The following IL1RAPL1 variants were observed in gnomAD, a reference collection of about 807,000 sequenced individuals.
The protein encoded by IL1RAPL1 is interleukin 1 receptor accessory protein like 1, also known as interleukin-1 receptor accessory protein-like 1.
Under a neutral mutation model 48.4 loss-of-function variants are expected in IL1RAPL1, and 3 were observed. The observed-to-expected ratio is 0.06, with a 90% CI of 0.03 to 0.16. IL1RAPL1 has a LOEUF of 0.16. Among genes scored for constraint, IL1RAPL1 ranks in the 10% least tolerant of loss-of-function variants. The pLI, the probability that IL1RAPL1 is intolerant of heterozygous loss-of-function variation, is 1.00. For synonymous variants in IL1RAPL1, 185 were observed against 187.7 expected (o/e 0.99, Z 0.12); for missense variants, 349 against 530.6 (o/e 0.66, Z 3.36).
At chrX:29,366,553 ATTTTTTTTTTTTTTTT>A (rs34164964) in intron 3 of IL1RAPL1, among the ~76,000 whole-genome samples, 1 of 37,256 alleles carries the variant, frequency 2.7e-5, no homozygotes, top group Non-Finnish European at 4.3e-5. Context: ...TGATAGGTCA[ATTTTTTTTTTTTTTTT>A]TTTTTTTTTT....
chrX:29,513,420 G>T (rs6630887), intron 5 of IL1RAPL1, among the ~76,000 whole-genome samples: 48,288 of 110,012 alleles, frequency 0.44, 7,709 homozygotes, highest in East Asian at 0.7. Flanking sequence ...TGCTACAGCA[G>T]AATTTATTTA....
At chrX:28,833,793 G>A (rs1364097975) in intron 2 of IL1RAPL1, among the ~76,000 whole-genome samples, 2 of 111,663 alleles carry the variant, frequency 1.8e-5, no homozygotes, top group East Asian at 2.8e-4. Flanking sequence ...CCTTTTCCCC[G>A]ATATTTCATG....
intron 2 of IL1RAPL1, among the ~76,000 whole-genome samples, chrX:28,951,680 T>G (rs2147355684): frequency 9.0e-6 from 1 of 111,410 alleles, no homozygotes; most frequent in Non-Finnish European, 1.9e-5. Flanking sequence ...TTTTATCATT[T>G]ACAGCCCCAA....
At chrX:29,935,921 C>T (rs1044418088) in intron 8 of IL1RAPL1, among the ~76,000 whole-genome samples, 6 of 111,440 alleles carry the variant, frequency 5.4e-5, no homozygotes, top group South Asian at 3.8e-4. Flanking sequence ...CAGATTAAGC[C>T]GCTCCATTCA....
chrX:29,696,315 C>T (rs973225700), intron 6 of IL1RAPL1, among the ~76,000 whole-genome samples: 1 of 111,133 alleles, frequency 9.0e-6, no homozygotes, highest in Non-Finnish European at 1.9e-5. Flanking sequence ...TCAACTTTAC[C>T]CAAAAAGAGA....
intron 5 of IL1RAPL1, among the ~76,000 whole-genome samples, chrX:29,461,945 A>G (rs893591181): frequency 1.8e-5 from 2 of 111,884 alleles, no homozygotes; most frequent in Non-Finnish European, 3.8e-5. Context: ...TGATAGTTGC[A>G]CAAGTATATA....
chrX:28,875,391 G>C (rs1335451266), intron 2 of IL1RAPL1, among the ~76,000 whole-genome samples: 1 of 112,504 alleles, frequency 8.9e-6, no homozygotes, highest in Non-Finnish European at 1.9e-5. Context: ...CTGCCTTGCT[G>C]TATCAGTCAG....
intron 5 of IL1RAPL1, among the ~76,000 whole-genome samples, chrX:29,492,763 A>G (rs1180310162): frequency 1.8e-5 from 2 of 111,971 alleles, no homozygotes; most frequent in African/African-American, 6.5e-5. Context: ...ACAAGGAAAT[A>G]TTCATATATT....
At chrX:29,624,721 C>T (rs1365681276) in intron 5 of IL1RAPL1, among the ~76,000 whole-genome samples, 2 of 109,994 alleles carry the variant, frequency 1.8e-5, no homozygotes, top group African/African-American at 6.6e-5. Context: ...TGCTACATGC[C>T]TGTAGTCCCA....
At chrX:29,265,657 T>C (rs1240155276) in intron 2 of IL1RAPL1, among the ~76,000 whole-genome samples, 6 of 81,077 alleles carry the variant, frequency 7.4e-5, no homozygotes, top group Non-Finnish European at 1.4e-4. Context: ...GAGTGTGATG[T>C]TCCCCTTCCT....
intron 2 of IL1RAPL1, among the ~76,000 whole-genome samples, chrX:29,182,113 C>CA (rs1399418472): frequency 1.8e-5 from 2 of 108,160 alleles, no homozygotes; most frequent in African/African-American, 6.7e-5. Context: ...TGCCCCCCCC[C>CA]ACCCCATGCC....
intron 1 of IL1RAPL1, among the ~76,000 whole-genome samples, chrX:28,604,114 A>T (rs1384149485): frequency 8.9e-6 from 1 of 112,687 alleles, no homozygotes; most frequent in Non-Finnish European, 1.9e-5. Flanking sequence ...ACAAGGTGAT[A>T]AAAGTTCTCA....
chrX:29,411,508 T>C (rs1934142709), intron 5 of IL1RAPL1, among the ~76,000 whole-genome samples: 1 of 111,659 alleles, frequency 9.0e-6, no homozygotes, highest in Non-Finnish European at 1.9e-5. Context: ...TGATTTTCTT[T>C]GACAGCATTG....
intron 6 of IL1RAPL1, among the ~76,000 whole-genome samples, chrX:29,812,381 T>A (rs748839360): frequency 8.9e-6 from 1 of 112,007 alleles, no homozygotes; most frequent in Non-Finnish European, 1.9e-5. Flanking sequence ...TTTTTGAAAA[T>A]GACTAAAAGG....
intron 2 of IL1RAPL1, among the ~76,000 whole-genome samples, chrX:29,187,769 C>T: frequency 9.0e-6 from 1 of 111,576 alleles, no homozygotes; most frequent in East Asian, 2.8e-4. Flanking sequence ...CGTTTTCACC[C>T]CTTACTCCCC....
At chrX:29,816,443 G>GA (rs1299849357) in intron 6 of IL1RAPL1, among the ~76,000 whole-genome samples, 3 of 109,407 alleles carry the variant, frequency 2.7e-5, no homozygotes, top group African/African-American at 9.9e-5. Context: ...ACCTACCAAT[G>GA]AAAAAAAGCC....
In IL1RAPL1 at chrX:28,733,092, GGT is replaced by G. The variant is rs776955168; in HGVS notation, c.-24-56213_-24-56212del. Among the ~76,000 whole-genome samples the G allele has an allele frequency of 6.9e-3, 747 of 107,696 alleles. 1 individual carries two copies. The highest frequency in any genetic ancestry group is 8.1e-3 in the Non-Finnish European group (423 of 52,097). The allele number at this position is 107,696 out of a possible 115,157, so 93.5% of individuals were successfully genotyped here. On this transcript the variant is annotated intron_variant, in intron 1 of 10. Coordinates refer to ENST00000378993, the MANE Select transcript of IL1RAPL1 (RefSeq NM_014271.4). Reference sequence around the variant, plus strand: ...AGTGGTTGTAACAATTTATTATACAGGTGTGTGTGTGTGTGTATATAATATAT... The same window carrying G: ...AGTGGTTGTAACAATTTATTATACAGGTGTGTGTGTGTGTATATAATATAT...
intron 2 of IL1RAPL1, among the ~76,000 whole-genome samples, chrX:28,793,679 A>G (rs1332643322): frequency 1.8e-5 from 2 of 111,379 alleles, no homozygotes; most frequent in Non-Finnish European, 3.8e-5. Flanking sequence ...TAAATAGTTG[A>G]AGGACTGTTA....
chrX:29,873,990 T>C (rs894914388), intron 6 of IL1RAPL1, among the ~76,000 whole-genome samples: 4 of 112,431 alleles, frequency 3.6e-5, no homozygotes, highest in Non-Finnish European at 7.5e-5. Context: ...ATTGCAGTTT[T>C]AAAATGCTAT....
Sources: allele counts gnomAD v4.1 joint callset (sites outside exome capture counted in the v4.1 genomes callset), GRCh38; gene constraint gnomAD v4.1.1; transcripts MANE v1.5; gene names NCBI Gene and HGNC (gene_info 2026-07-23, HGNC 2026-07-21).